SOD2: variants seen among roughly 807,000 people sequenced by gnomAD.
The protein encoded by SOD2 is superoxide dismutase 2.
A neutral mutation model predicts 27.0 loss-of-function variants in SOD2; 11 were observed. The ratio of observed to expected loss-of-function variants is 0.41; its 90% CI spans 0.26 to 0.67. The LOEUF is 0.67. SOD2 is among the 30% of genes least tolerant of loss of function. SOD2 has a pLI of 0.34. For synonymous variants in SOD2, 105 were observed against 103.0 expected (o/e 1.02, Z -0.12); for missense variants, 250 against 274.5 (o/e 0.91, Z 0.63).
At chr6:159,693,246 CT>C (rs1777324533), upstream of SOD2, 2 of 1,364,166 alleles carry the variant, frequency 1.5e-6, no homozygotes, top group East Asian at 3.0e-5. Flanking sequence ...ACGAGTGCCG[CT>C]CCTGCGCCGC....
intron 3 of SOD2, among the ~76,000 whole-genome samples, chr6:159,686,206 A>G (rs939850152): frequency 1.3e-5 from 2 of 152,228 alleles, no homozygotes; most frequent in African/African-American, 4.8e-5. Context: ...AATCATCTTT[A>G]TAAGCACAAA....
chr6:159,691,788 A>C (rs1204423737), intron 2 of SOD2: 1 of 152,238 alleles, frequency 6.6e-6, no homozygotes. Context: ...TAAATAGTAA[A>C]TAAAAACAAG....
intron 1 of SOD2, among the ~76,000 whole-genome samples, chr6:159,757,408 TTTC>T: frequency 1.4e-5 from 2 of 145,240 alleles, no homozygotes; most frequent in Middle Eastern, 3.8e-3. Flanking sequence ...TTTTCTTTTT[TTTC>T]TTTTTCTCTT....
At chr6:159,721,026 T>G (rs1270755678) in intron 1 of SOD2, among the ~76,000 whole-genome samples, 1 of 150,364 alleles carries the variant, frequency 6.7e-6, no homozygotes, top group African/African-American at 2.4e-5. Context: ...CGACTATTTT[T>G]TTTTTGTATT....
At chr6:159,756,801 G>A (rs191853191) in intron 1 of SOD2, among the ~76,000 whole-genome samples, 25 of 152,072 alleles carry the variant, frequency 1.6e-4, no homozygotes, top group Middle Eastern at 3.4e-3. Flanking sequence ...ACAAGGCCTC[G>A]CTATGTTGCA....
intron 3 of SOD2, among the ~76,000 whole-genome samples, chr6:159,686,703 G>T (rs1458445696): frequency 6.6e-6 from 1 of 152,092 alleles, no homozygotes; most frequent in Non-Finnish European, 1.5e-5. Context: ...AGTTTCCCAA[G>T]CTTACTCTCC....
intron 1 of SOD2, among the ~76,000 whole-genome samples, chr6:159,757,171 G>A (rs1780027753): frequency 6.6e-6 from 1 of 152,158 alleles, no homozygotes; most frequent in Non-Finnish European, 1.5e-5. Flanking sequence ...CTTCAAATGT[G>A]TAGCTTTCAT....
At chr6:159,728,928 G>A (rs149996723), upstream of SOD2, among the ~76,000 whole-genome samples, 15 of 152,298 alleles carry the variant, frequency 9.8e-5, no homozygotes, top group East Asian at 2.5e-3. Flanking sequence ...ACTCCTAAAG[G>A]ATAAAAGTAA....
chr6:159,693,330 C>CCCG, upstream of SOD2: 1 of 170,834 alleles, frequency 5.9e-6, no homozygotes, highest in Non-Finnish European at 1.0e-5. Flanking sequence ...GCCGCCCCGC[C>CCCG]CCCCCCCCCC....
intron 1 of SOD2, chr6:159,713,995 T>A: frequency 1.3e-6 from 1 of 775,582 alleles, no homozygotes; most frequent in Non-Finnish European, 2.1e-6. Context: ...TCGTGGCGAC[T>A]GTTGAGCTCT....
upstream of SOD2, chr6:159,730,779 C>T (rs1245803633): frequency 2.0e-5 from 3 of 152,092 alleles, no homozygotes; most frequent in Non-Finnish European, 4.4e-5. Flanking sequence ...GAAGTGTAGA[C>T]ATTTATCCAA....
chr6:159,761,942 G>A (rs915943431), exon 1 of SOD2: 7 of 963,048 alleles, frequency 7.3e-6, no homozygotes, highest in Admixed American at 4.1e-5. Flanking sequence ...CGCACAGTGG[G>A]ATGCGCGGGG....
chr6:159,730,249 T>A (rs1380596641), upstream of SOD2, among the ~76,000 whole-genome samples: 3 of 152,220 alleles, frequency 2.0e-5, no homozygotes, highest in Non-Finnish European at 4.4e-5. Flanking sequence ...TTATTAAATG[T>A]GTGATTCATA....
At position 159,704,142 on chromosome 6, in the gene SOD2, A is replaced by G. The variant is rs537380919; in HGVS notation, c.-115-11279T>C. 2.0e-5 allele frequency among the ~76,000 whole-genome samples: 3 copies of G among 152,262 alleles called. No individual in the cohort carries two copies. In the South Asian group the frequency reaches 6.2e-4, roughly 32 times the overall value. On this transcript the variant is annotated intron_variant, in intron 1 of 2. Transcript: ENST00000401980. ...CTAATAAAAATACAAAAATTAGGAG[A>G]GGCGGATCCAAGATGGCCAAATAGG...
intron 1 of SOD2, among the ~76,000 whole-genome samples, chr6:159,718,074 C>T (rs925470057): frequency 6.6e-6 from 1 of 151,956 alleles, no homozygotes; most frequent in Non-Finnish European, 1.5e-5. Context: ...CTCACTATAG[C>T]CTTGAACTCC....
intron 1 of SOD2, chr6:159,755,270 C>A: frequency 6.2e-7 from 1 of 1,614,144 alleles, no homozygotes; most frequent in Non-Finnish European, 8.5e-7. Flanking sequence ...TAGCTCCTCC[C>A]GCCAGAGGAC....
At chr6:159,739,824 C>CTTTTTTT (rs56389349) in intron 1 of SOD2, among the ~76,000 whole-genome samples, 7 of 85,158 alleles carry the variant, frequency 8.2e-5, no homozygotes, top group East Asian at 4.6e-4. Flanking sequence ...CACTTTTTAC[C>CTTTTTTT]TTTTTTTTTT....
intron 1 of SOD2, among the ~76,000 whole-genome samples, chr6:159,753,970 A>G (rs1779914339): frequency 6.6e-6 from 1 of 152,230 alleles, no homozygotes; most frequent in Non-Finnish European, 1.5e-5. Context: ...TGTAAATCTT[A>G]GAAACATGGG....
rs1311997110 is a variant in SOD2, at chr6:159,693,172, C to G, written c.-5G>C. The G allele has an allele frequency of 9.1e-6, 14 of 1,530,920 alleles. No homozygotes were observed. Among genetic ancestry groups the G allele is most frequent in the Non-Finnish European group, 2.6e-6 (3 of 1,138,614 alleles). The allele number at this position is 1,530,920 out of a possible 1,614,324, so 94.8% of individuals were successfully genotyped here. On this transcript the variant is annotated 5_prime_UTR_variant, in exon 1 of 5. Coordinates refer to ENST00000538183, the MANE Select transcript of SOD2 (RefSeq NM_000636.4). The stretch of plus-strand genomic sequence containing the variant: ...GCACACTGCCCGGCTCAACATGCTG[C>G]TAGTGCTGGTGCTACCGCTGATGCC...
Sources: allele counts gnomAD v4.1 joint callset (sites outside exome capture counted in the v4.1 genomes callset), GRCh38; gene constraint gnomAD v4.1.1; transcripts MANE v1.5; gene names NCBI Gene and HGNC (gene_info 2026-07-23, HGNC 2026-07-21).